Variants in PDE11A observed in about 807,000 individuals in gnomAD.
PDE11A encodes dual 3',5'-cyclic-AMP and -GMP phosphodiesterase 11A.
In PDE11A, 100 loss-of-function variants were observed where a neutral mutation model predicts 100.5. The ratio of observed to expected loss-of-function variants is 1.00; its 90% CI spans 0.85 to 1.18. PDE11A has a LOEUF of 1.18. PDE11A is among the 50% of genes most tolerant of loss of function. PDE11A has a pLI of 0.00. For synonymous variants in PDE11A, 381 were observed against 420.8 expected, an observed-to-expected ratio of 0.91 and a Z score of 1.16; for missense variants, 1,141 against 1,152.6, an observed-to-expected ratio of 0.99 and a Z score of 0.15.
rs527722055 is a variant in PDE11A, at chr2:177,719,021, G to C, written c.2044-7143C>G. The stretch of plus-strand genomic sequence containing the variant: ...CGAGCCAGCAGAGCAGTGCCACAGA[G>C]CACTGTTTTCTAAAGAGAAGCTGTC... On this transcript the variant is annotated intron_variant, in intron 12 of 19. Coordinates refer to ENST00000286063, the MANE Select transcript of PDE11A (RefSeq NM_016953.4). 2.6e-5 allele frequency among the ~76,000 whole-genome samples: 4 copies of C among 152,282 alleles called. No individual in the cohort carries two copies. The South Asian group carries it at 8.3e-4, about 32-fold the overall frequency.
At chr2:177,736,739 T>C (rs2081790128) in intron 10 of PDE11A, among the ~76,000 whole-genome samples, 1 of 152,120 alleles carries the variant, frequency 6.6e-6, no homozygotes, top group African/African-American at 2.4e-5. Context: ...TGAATCAGAA[T>C]CCATGGACTG....
At chr2:177,679,192 G>A (rs1299300861) in intron 16 of PDE11A, among the ~76,000 whole-genome samples, 1 of 152,012 alleles carries the variant, frequency 6.6e-6, no homozygotes, top group Non-Finnish European at 1.5e-5. Flanking sequence ...TGGTTCAACA[G>A]AAGCAGAAAT....
intron 1 of PDE11A, among the ~76,000 whole-genome samples, chr2:178,023,081 T>C (rs924763012): frequency 6.6e-6 from 1 of 152,196 alleles, no homozygotes; most frequent in African/African-American, 2.4e-5. Context: ...GTGAAGGAAC[T>C]GACCTGTGCC....
chr2:177,643,910 T>C (rs1443567763), intron 19 of PDE11A, among the ~76,000 whole-genome samples: 2 of 152,226 alleles, frequency 1.3e-5, no homozygotes, highest in African/African-American at 2.4e-5. Context: ...CCCCAAACCT[T>C]GGCAGCTTTC....
chr2:178,049,873 C>T (rs1039486529), intron 1 of PDE11A, among the ~76,000 whole-genome samples: 23 of 152,286 alleles, frequency 1.5e-4, no homozygotes, highest in African/African-American at 5.5e-4. Context: ...TGGGTAGAGC[C>T]CACCGCAGCT....
In PDE11A at chr2:177,731,621, A is replaced by C. The variant is rs964583980; in HGVS notation, c.1789-3449T>G. Reference sequence around the variant, plus strand: ...TACTCTCTCCAGAGGACAAGCCTCTAGTCTTTATGGAGTGGGGGAGTAGAA... The same window carrying C: ...TACTCTCTCCAGAGGACAAGCCTCTCGTCTTTATGGAGTGGGGGAGTAGAA... On this transcript the variant is annotated intron_variant, in intron 10 of 19. Coordinates refer to ENST00000286063, the MANE Select transcript of PDE11A (RefSeq NM_016953.4). 3.3e-5 allele frequency among the ~76,000 whole-genome samples: 5 copies of C among 152,290 alleles called. No individual in the cohort carries two copies. The Middle Eastern group carries it at 0.01, about 311-fold the overall frequency.
At position 177,669,583 on chromosome 2, in the gene PDE11A, AT is replaced by A; in HGVS notation, c.2488-17del. The A allele has an allele frequency of 8.2e-7, 1 of 1,219,582 alleles. No individual in the cohort carries two copies. Among genetic ancestry groups the A allele is most frequent in the Non-Finnish European group, 1.2e-6 (1 of 820,614 alleles). The allele number at this position is 1,219,582 out of a possible 1,614,324, so 75.5% of individuals were successfully genotyped here. A position where few individuals can be genotyped will look rare whatever the true frequency, so the allele number is the denominator to read the frequency against. On this transcript the variant is annotated splice_polypyrimidine_tract_variant and intron_variant, in intron 17 of 19. Transcript: ENST00000286063. ...GTTCTGCCACCTGAAACATATAAAT[AT>A]TTTAATCTGTGATTATGTGTAGTTT...
intron 10 of PDE11A, among the ~76,000 whole-genome samples, chr2:177,750,918 C>A (rs1379489946): frequency 6.6e-6 from 1 of 152,132 alleles, no homozygotes; most frequent in Non-Finnish European, 1.5e-5. Context: ...ACAGAATCGC[C>A]TGGGGGCTTA....
At chr2:177,904,425 T>C (rs1025840818) in intron 3 of PDE11A, among the ~76,000 whole-genome samples, 3 of 152,202 alleles carry the variant, frequency 2.0e-5, no homozygotes. Context: ...GGTAAGATCA[T>C]GTTTGTAACA....
chr2:177,845,799 C>T (rs2105636619), intron 5 of PDE11A, among the ~76,000 whole-genome samples: 1 of 152,344 alleles, frequency 6.6e-6, no homozygotes, highest in East Asian at 1.9e-4. Flanking sequence ...GAGGCCGAGG[C>T]TGGTGGATCA....
chr2:177,932,861 AAAG>A lies in PDE11A; in HGVS notation c.1072-27677_1072-27675del, dbSNP rs1264680216. ...AAAAAAAAAAGGCATCTGAACAGGA[AAAG>A]AAGAAGTCAAACTATCTCTTTTCGC... On this transcript the variant is annotated intron_variant, in intron 2 of 19. Transcript: ENST00000286063. Among the ~76,000 whole-genome samples, 7 of 152,130 alleles carry A rather than the reference AAAG, an allele frequency of 4.6e-5. No individual in the cohort carries two copies. In the East Asian group the frequency reaches 1.2e-3, roughly 25 times the overall value.
chr2:177,701,471 T>C (rs2081196420), intron 13 of PDE11A, among the ~76,000 whole-genome samples: 1 of 152,262 alleles, frequency 6.6e-6, no homozygotes, highest in Non-Finnish European at 1.5e-5. Context: ...ACACAGTCTC[T>C]GCCCCTAAGA....
chr2:177,790,437 T>G (rs1238760446), intron 9 of PDE11A, among the ~76,000 whole-genome samples: 1 of 151,584 alleles, frequency 6.6e-6, no homozygotes, highest in Non-Finnish European at 1.5e-5. Flanking sequence ...ATAAAAACCC[T>G]AGAAGAAAAC....
intron 19 of PDE11A, among the ~76,000 whole-genome samples, chr2:177,643,498 G>A (rs1292492189): frequency 6.6e-6 from 1 of 152,176 alleles, no homozygotes; most frequent in Non-Finnish European, 1.5e-5. Context: ...AAATTTCTAA[G>A]CAGCAAAGCA....
chr2:177,824,367 A>T (rs1360698367), intron 6 of PDE11A, among the ~76,000 whole-genome samples: 1 of 152,230 alleles, frequency 6.6e-6, no homozygotes, highest in Non-Finnish European at 1.5e-5. Flanking sequence ...AACTTGTCCA[A>T]CAAAAAGACT....
chr2:177,623,290 C>A lies in PDE11A; in HGVS notation c.*6117G>T, dbSNP rs2079788261. 6.6e-6 allele frequency: 1 copy of A among 152,188 alleles called. No homozygotes were observed. The highest frequency in any genetic ancestry group is 2.1e-4 in the South Asian group (1 of 4,832). 9.4% of individuals were successfully genotyped at this position (152,188 alleles called of 1,614,324 possible). ...TTATTAAAAACAAAGATATTCAGGT[C>A]TCTTAAAGCGGGCTTCCAAAACTAT... On this transcript the variant is annotated 3_prime_UTR_variant, in exon 20 of 20. Transcript: ENST00000286063.
chr2:177,728,275 C>A (rs2081632620), intron 10 of PDE11A, 103 bp from the exon 11 acceptor site: 1 of 939,142 alleles, frequency 1.1e-6, no homozygotes, highest in Non-Finnish European at 1.7e-6. Context: ...TAAATCAGGC[C>A]TGACCTGCAC....
chr2:177,780,364 G>A (rs2082437067), intron 9 of PDE11A, among the ~76,000 whole-genome samples: 1 of 152,176 alleles, frequency 6.6e-6, no homozygotes, highest in Admixed American at 6.5e-5. Flanking sequence ...GGGACTACAG[G>A]TGTACACCAC....
chr2:177,695,528 C>T (rs2081098947), intron 15 of PDE11A, among the ~76,000 whole-genome samples: 1 of 152,168 alleles, frequency 6.6e-6, no homozygotes, highest in Admixed American at 6.5e-5. Flanking sequence ...TTATAGACTC[C>T]TAGCTTCTAA....
Sources: gnomAD v4.1 joint callset for allele counts (sites outside exome capture counted in the v4.1 genomes callset) on GRCh38, gnomAD v4.1.1 for gene constraint, MANE v1.5 for transcripts, NCBI Gene and HGNC (gene_info 2026-07-23, HGNC 2026-07-21) for gene names.